GRIN2A: variants seen among roughly 807,000 people sequenced by gnomAD.
GRIN2A encodes the protein glutamate receptor ionotropic, NMDA 2A.
GRIN2A carries 22 observed loss-of-function variants against 113.4 expected under a neutral mutation model. The ratio of observed to expected loss-of-function variants is 0.19; its 90% confidence interval spans 0.14 to 0.28. GRIN2A has a LOEUF of 0.28. GRIN2A is among the 10% of genes least tolerant of loss of function. GRIN2A has a pLI of 1.00. For missense variants in GRIN2A, 1,502 were observed against 1,887.0 expected, an observed-to-expected ratio of 0.80 and a Z score of 3.78; for synonymous variants, 827 against 738.4, an observed-to-expected ratio of 1.12 and a Z score of -1.94.
intron 4 of GRIN2A, among the ~76,000 whole-genome samples, chr16:9,888,337 G>C (rs144838574): frequency 2.0e-4 from 31 of 152,220 alleles, no homozygotes; most frequent in African/African-American, 7.5e-4. Context: ...TTCATATTTG[G>C]TTTAAGAAAT....
chr16:10,066,225 C>T (rs895554530), intron 2 of GRIN2A, among the ~76,000 whole-genome samples: 2 of 152,164 alleles, frequency 1.3e-5, no homozygotes, highest in African/African-American at 4.8e-5. Context: ...CTCTGTGCCT[C>T]TCAGGGGCCT....
chr16:9,763,617 C>T lies in GRIN2A; in HGVS notation c.3927G>A (p.Arg1309=), dbSNP rs1376865696. 1 of 1,613,434 alleles carries T rather than the reference C, an allele frequency of 6.2e-7. No individual in the cohort carries two copies. The highest frequency in any genetic ancestry group is 1.1e-5 in the South Asian group (1 of 91,070). The change falls in exon 13 of 13, where the codon CGG becomes CGA. Residue 1309 remains arginine (R), a synonymous_variant. Transcript: ENST00000330684. ...GTTCCCTGTCCTTGAGGCTTATGCT[C>T]CGGGAGGGCCTGCTAAGGTCTAGCT... ...PRELDLSRPS[R]SISLKDRERL... is the part of the protein sequence containing the mutation.
chr16:9,821,285 A>G (rs1416286196), intron 10 of GRIN2A, among the ~76,000 whole-genome samples: 1 of 152,124 alleles, frequency 6.6e-6, no homozygotes, highest in Non-Finnish European at 1.5e-5. Context: ...AAATAAAATC[A>G]TTTTTATTGG....
intron 4 of GRIN2A, among the ~76,000 whole-genome samples, chr16:9,866,747 C>A (rs773412817): frequency 3.9e-5 from 6 of 152,146 alleles, no homozygotes; most frequent in Non-Finnish European, 5.9e-5. Flanking sequence ...AAACTGAAGG[C>A]CAGTTTTTTT....
intron 2 of GRIN2A, among the ~76,000 whole-genome samples, chr16:9,940,072 G>A (rs752126729): frequency 2.2e-4 from 34 of 151,868 alleles, no homozygotes; most frequent in Non-Finnish European, 7.4e-5. Flanking sequence ...GTGTGTGTGT[G>A]TGTGTGTGTG....
At chr16:10,149,936 G>C (rs2049532949) in intron 2 of GRIN2A, among the ~76,000 whole-genome samples, 1 of 152,206 alleles carries the variant, frequency 6.6e-6, no homozygotes, top group Admixed American at 6.5e-5. Flanking sequence ...GAATTGTACA[G>C]ATCTCGAACC....
intron 2 of GRIN2A, among the ~76,000 whole-genome samples, chr16:9,950,049 C>A (rs1163946348): frequency 6.6e-6 from 1 of 152,164 alleles, no homozygotes; most frequent in African/African-American, 2.4e-5. Flanking sequence ...GAGGGTTGGG[C>A]TGGCATTCTT....
intron 12 of GRIN2A, among the ~76,000 whole-genome samples, chr16:9,768,482 A>G (rs569520077): frequency 2.6e-5 from 4 of 152,324 alleles, no homozygotes; most frequent in Admixed American, 1.3e-4. Context: ...CCATAAGACA[A>G]TACTCAGCAG....
intron 2 of GRIN2A, among the ~76,000 whole-genome samples, chr16:10,152,199 T>C (rs561208508): frequency 1.2e-4 from 18 of 152,302 alleles, no homozygotes; most frequent in Admixed American, 3.9e-4. Flanking sequence ...TCCAAGAATG[T>C]GGCTAGTGCC....
rs192715011 is a variant in GRIN2A at position 9,819,397 on chromosome 16, T to C, written c.2168+2867A>G. On this transcript the variant is annotated intron_variant, in intron 10 of 12. Transcript: ENST00000330684. ...TTAGCCAGGTGTGGTGGTGCTTGCC[T>C]GTAGTCCCAGCTACTCAGGAGGCTG... 2.6e-3 allele frequency among the ~76,000 whole-genome samples: 398 copies of C among 151,964 alleles called. 2 individuals are homozygous for C. The highest frequency in any genetic ancestry group is 9.0e-3 in the African/African-American group (373 of 41,426).
intron 2 of GRIN2A, among the ~76,000 whole-genome samples, chr16:10,062,074 A>G (rs2142009101): frequency 6.6e-6 from 1 of 152,348 alleles, no homozygotes; most frequent in South Asian, 2.1e-4. Flanking sequence ...AAAGTCACAT[A>G]AAAAATGAAT....
At chr16:9,800,227 G>A (rs529480832) in intron 10 of GRIN2A, among the ~76,000 whole-genome samples, 3 of 152,118 alleles carry the variant, frequency 2.0e-5, no homozygotes, top group South Asian at 2.1e-4. Flanking sequence ...CACCCACCTC[G>A]GCTTCCCAAA....
At chr16:10,083,382 G>A (rs1314868182) in intron 2 of GRIN2A, among the ~76,000 whole-genome samples, 1 of 152,234 alleles carries the variant, frequency 6.6e-6, no homozygotes, top group African/African-American at 2.4e-5. Flanking sequence ...GTGCTAAACT[G>A]TGCATGGCTG....
rs758442686 is a variant in GRIN2A at position 9,764,883 on chromosome 16, C to G, written c.2661G>C (p.Leu887=). The change falls in exon 13 of 13, where the codon CTG becomes CTC. Residue 887 remains leucine, a synonymous_variant. Coordinates refer to ENST00000330684, the MANE Select transcript of GRIN2A (RefSeq NM_001134407.3). The stretch of plus-strand genomic sequence containing the variant: ...TTAACATGTTGCTCTGGGATCCCGT[C>G]AGATTGAAGTCTGGAGACTTCTTCT... The part of the protein sequence containing the change: ...EEKKKSPDFN[L]TGSQSNMLKL... The G allele has an allele frequency of 1.9e-6, 3 of 1,614,136 alleles. No homozygotes were observed. The South Asian group carries it at 3.3e-5, about 18-fold the overall frequency.
At chr16:9,844,705 A>G (rs1051065293) in intron 5 of GRIN2A, among the ~76,000 whole-genome samples, 12 of 152,336 alleles carry the variant, frequency 7.9e-5, no homozygotes, top group African/African-American at 2.4e-4. Flanking sequence ...GCTCCTGTCC[A>G]CCACGCAGAC....
chr16:10,101,224 C>G (rs1175709933), intron 2 of GRIN2A, among the ~76,000 whole-genome samples: 3 of 152,226 alleles, frequency 2.0e-5, no homozygotes, highest in Admixed American at 6.5e-5. Flanking sequence ...TTGCACAATT[C>G]TACTTCCTGC....
At chr16:10,049,960 T>G (rs2047329374) in intron 2 of GRIN2A, among the ~76,000 whole-genome samples, 1 of 152,186 alleles carries the variant, frequency 6.6e-6, no homozygotes, top group African/African-American at 2.4e-5. Context: ...ACTCCCATAT[T>G]TATACTCATA....
intron 2 of GRIN2A, among the ~76,000 whole-genome samples, chr16:10,072,945 C>T (rs1052329650): frequency 4.3e-4 from 41 of 96,036 alleles, no homozygotes; most frequent in Non-Finnish European, 8.2e-4. Flanking sequence ...GACAAGACCC[C>T]CTTTTTTTTT....
chr16:10,157,527 T>A (rs934526810), intron 2 of GRIN2A, among the ~76,000 whole-genome samples: 1 of 152,188 alleles, frequency 6.6e-6, no homozygotes, highest in Non-Finnish European at 1.5e-5. Context: ...TCTGCATGGC[T>A]GGGGAGGCCT....
Sources: allele counts gnomAD v4.1 joint callset (sites outside exome capture counted in the v4.1 genomes callset), GRCh38; gene constraint gnomAD v4.1.1; transcripts MANE v1.5; gene names NCBI Gene and HGNC (gene_info 2026-07-23, HGNC 2026-07-21).